The following TUB variants were observed in gnomAD, a reference collection of about 807,000 sequenced individuals.
TUB encodes TUB bipartite transcription factor, also known as tubby protein homolog.
A neutral mutation model predicts 59.7 loss-of-function variants in TUB; 33 were observed. The ratio of observed to expected loss-of-function variants is 0.55; its 90% CI spans 0.42 to 0.74. The LOEUF is 0.74. Ranked by LOEUF, TUB falls within the 30% of genes least tolerant of loss-of-function variation. The pLI is 0.00. For missense variants in TUB, 659 were observed against 672.0 expected, an observed-to-expected ratio of 0.98 and a Z score of 0.21; for synonymous variants, 293 against 256.4, an observed-to-expected ratio of 1.14 and a Z score of -1.36.
intron 10 of TUB, 45 bp downstream of exon 10, chr11:8,100,646 C>G (rs371342540): frequency 3.2e-6 from 5 of 1,586,150 alleles, no homozygotes; most frequent in Admixed American, 1.7e-5. Flanking sequence ...TCATCCTAGT[C>G]TCTGCATGAG....
intron 2 of TUB, among the ~76,000 whole-genome samples, chr11:8,051,131 G>GA (rs558728697): frequency 7.3e-5 from 11 of 150,284 alleles, no homozygotes; most frequent in Admixed American, 2.6e-4. Context: ...CTTTGTTACT[G>GA]AAAAAAAAAT....
At chr11:8,053,420 A>C (rs1942964147) in intron 2 of TUB, among the ~76,000 whole-genome samples, 2 of 152,184 alleles carry the variant, frequency 1.3e-5, no homozygotes, top group African/African-American at 4.8e-5. Flanking sequence ...AGTTGGTTGC[A>C]TCTCATCTTT....
intron 1 of TUB, among the ~76,000 whole-genome samples, chr11:8,023,075 G>C (rs1010761883): frequency 2.6e-5 from 4 of 152,184 alleles, no homozygotes; most frequent in Non-Finnish European, 2.9e-5. Context: ...CATATCTGGT[G>C]CTCCGGCTGG....
intron 2 of TUB, among the ~76,000 whole-genome samples, chr11:8,060,331 A>G (rs947690676): frequency 5.9e-5 from 9 of 152,154 alleles, no homozygotes; most frequent in Non-Finnish European, 1.3e-4. Context: ...CCGTACAGGA[A>G]AACCAGAGAG....
At chr11:8,038,738 C>T in exon 1 of TUB, 3 of 1,499,910 alleles carry the variant, frequency 2.0e-6, no homozygotes, top group Admixed American at 4.6e-5. Flanking sequence ...CTGACTGTTG[C>T]CACGGTGATG....
Position 8,104,020 on chromosome 11 carries a change from T to G in TUB, c.*2401T>G, listed in dbSNP as rs1345742703. 4.6e-5 allele frequency: 7 copies of G among 152,178 alleles called. No individual in the cohort carries two copies. Among genetic ancestry groups the G allele is most frequent in the African/African-American group, 1.7e-4 (7 of 41,436 alleles). The allele number at this position is 152,178 out of a possible 1,614,324, so 9.4% of individuals were successfully genotyped here. ...TCAGCCACAAAACTCTGTCAGGCAT[T>G]GAATGACAAGCATCAGTAGCTGAGT... On this transcript the variant is annotated 3_prime_UTR_variant, in exon 12 of 12. Coordinates refer to ENST00000299506, the MANE Select transcript of TUB (RefSeq NM_177972.3).
intron 2 of TUB, among the ~76,000 whole-genome samples, chr11:8,057,031 G>A (rs928396330): frequency 1.3e-5 from 2 of 152,120 alleles, no homozygotes; most frequent in African/African-American, 4.8e-5. Context: ...ACACAGCAGG[G>A]TCTGTTAGAC....
rs763951087 is a variant in TUB at position 8,039,059 on chromosome 11, T to C, written c.155+31T>C. On this transcript the variant is annotated intron_variant, in intron 1 of 12. Transcript: ENST00000305253. Reference sequence around the variant, plus strand: ...CTTTCAACATCCTGCCTTTAGCCCATGGGCCCAACCATTGCGTCAGCTCCA... The same window carrying C: ...CTTTCAACATCCTGCCTTTAGCCCACGGGCCCAACCATTGCGTCAGCTCCA... 7 of 1,607,778 alleles carry C rather than the reference T, an allele frequency of 4.4e-6. No individual in the cohort carries two copies. In the Middle Eastern group the frequency reaches 6.6e-4, roughly 151 times the overall value.
chr11:8,087,875 G>A (rs1485189308), intron 1 of TUB, among the ~76,000 whole-genome samples: 1 of 152,198 alleles, frequency 6.6e-6, no homozygotes, highest in Non-Finnish European at 1.5e-5. Context: ...CTCCAGCCTG[G>A]GTGTGTGCCT....
rs1320219247 is a variant in TUB, at chr11:8,102,980, A to G, written c.*1361A>G. 6.6e-6 allele frequency: 1 copy of G among 152,246 alleles called. No individual in the cohort carries two copies. The highest frequency in any genetic ancestry group is 1.9e-4 in the East Asian group (1 of 5,198). The allele number at this position is 152,246 out of a possible 1,614,324, so 9.4% of individuals were successfully genotyped here. ...GAGACTTAGAAGCATCAGAGTTGAT[A>G]AATTAGATTGAAACCATTCCAGTAG... On this transcript the variant is annotated 3_prime_UTR_variant, in exon 12 of 12. Transcript: ENST00000299506.
chr11:8,074,937 G>A (rs898873003), intron 2 of TUB, among the ~76,000 whole-genome samples: 1 of 151,710 alleles, frequency 6.6e-6, no homozygotes, highest in African/African-American at 2.4e-5. Flanking sequence ...AGTAGAGACG[G>A]GTTTGCCATG....
intron 2 of TUB, among the ~76,000 whole-genome samples, chr11:8,046,338 AG>A (rs1157117880): frequency 6.6e-6 from 1 of 152,216 alleles, no homozygotes; most frequent in East Asian, 1.9e-4. Flanking sequence ...GACTGAAGGC[AG>A]AAGTCTCTCC....
intron 1 of TUB, among the ~76,000 whole-genome samples, chr11:8,086,831 G>A (rs1943677996): frequency 6.6e-6 from 1 of 152,118 alleles, no homozygotes; most frequent in Admixed American, 6.5e-5. Flanking sequence ...AGGTACTTTG[G>A]GGATGTCTGA....
chr11:8,084,378 TG>T (rs1943627230), intron 1 of TUB, among the ~76,000 whole-genome samples: 1 of 152,250 alleles, frequency 6.6e-6, no homozygotes, highest in South Asian at 2.1e-4. Flanking sequence ...TTTTGTCTTT[TG>T]TTTCTGTTAG....
rs1944064401 is a variant in TUB, at chr11:8,097,795, C to T, written c.967C>T (p.Arg323Ter). ...LISVDPTDLSRGGDSYIGKLR... is the reference protein window; with the variant it reads ...LISVDPTDLS ...CTCTGTGGACCCAACAGACTTGTCT[C>T]GAGGAGGGGACAGCTATATCGGGAA... is the stretch of plus-strand genomic sequence containing the variant. Residue 323 changes from arginine (R) to a stop codon, truncating the protein, a stop_gained, in exon 8 of 12, where the codon CGA becomes TGA. Transcript: ENST00000299506. LOFTEE classifies it high-confidence loss of function. 1.9e-6 allele frequency: 3 copies of T among 1,613,870 alleles called. No homozygotes were observed. Among genetic ancestry groups the T allele is most frequent in the Non-Finnish European group, 2.5e-6 (3 of 1,179,942 alleles).
rs1449661300 is a variant in TUB at position 8,100,772 on chromosome 11, G to A, written c.1216-54G>A. 1.0e-5 allele frequency: 16 copies of A among 1,603,466 alleles called. No homozygotes were observed. The East Asian group carries it at 3.3e-4, about 34-fold the overall frequency. On this transcript the variant is annotated intron_variant, in intron 10 of 11. Transcript: ENST00000299506. ...ATTCCCGGGATAGATCCCTTTCTGG[G>A]GTGGTCATGGTGCCAAAGGCCTGGG... is the stretch of plus-strand genomic sequence containing the variant.
At chr11:8,090,279 C>T (rs1318417990) in intron 3 of TUB, 48 bp downstream of exon 3, 19 of 1,598,518 alleles carry the variant, frequency 1.2e-5, no homozygotes, top group Non-Finnish European at 1.5e-5. Context: ...TCGGGGAGCC[C>T]GTCACTTCCT....
chr11:8,029,984 G>A (rs1942547900), intron 1 of TUB, among the ~76,000 whole-genome samples: 1 of 152,146 alleles, frequency 6.6e-6, no homozygotes. Flanking sequence ...GGGCAAATGA[G>A]GGCAGTGTAC....
chr11:8,032,715 A>T (rs1270610389), intron 1 of TUB, among the ~76,000 whole-genome samples: 3 of 151,998 alleles, frequency 2.0e-5, no homozygotes, highest in Non-Finnish European at 2.9e-5. Flanking sequence ...CAGGCTCTCC[A>T]CACCTGGGAA....
Sources: allele counts gnomAD v4.1 joint callset (sites outside exome capture counted in the v4.1 genomes callset), GRCh38; gene constraint gnomAD v4.1.1; transcripts MANE v1.5; gene names NCBI Gene and HGNC (gene_info 2026-07-23, HGNC 2026-07-21).